CABIN1: variants seen among roughly 807,000 people sequenced by gnomAD.
The protein encoded by CABIN1 is calcineurin-binding protein cabin-1.
CABIN1 carries 133 observed loss-of-function variants against 227.7 expected under a neutral mutation model. The observed-to-expected ratio is 0.58, with a 90% CI of 0.51 to 0.67. The LOEUF (loss-of-function observed/expected upper bound fraction) is 0.67. CABIN1 is among the 30% of genes least tolerant of loss of function. The pLI, the probability that CABIN1 is intolerant of heterozygous loss-of-function variation, is 0.00. For synonymous variants in CABIN1, 1,086 were observed against 1,155.1 expected (o/e 0.94, Z 1.21); for missense variants, 2,408 against 2,852.5 (o/e 0.84, Z 3.55).
intron 29 of CABIN1, among the ~76,000 whole-genome samples, chr22:24,164,125 T>C (rs183885756): frequency 1.4e-4 from 22 of 152,266 alleles, no homozygotes; most frequent in African/African-American, 4.8e-4. Context: ...GTGCATCCCA[T>C]AGGGGACAGG....
At chr22:24,046,574 T>C (rs117068131) in intron 6 of CABIN1, among the ~76,000 whole-genome samples, 9 of 152,330 alleles carry the variant, frequency 5.9e-5, no homozygotes, top group Non-Finnish European at 1.2e-4. Flanking sequence ...GAAGAAGTTA[T>C]GCTTGGTAAA....
Position 24,166,755 on chromosome 22 carries a change from G to C in CABIN1, c.5124G>C (p.Lys1708Asn). The C allele has an allele frequency of 1.2e-6, 2 of 1,612,810 alleles. No homozygotes were observed. Among genetic ancestry groups the C allele is most frequent in the Non-Finnish European group, 1.7e-6 (2 of 1,179,962 alleles). Reference protein sequence around the residue: ...DGQEGLPQPKKPPLADGSGPG... With the variant: ...DGQEGLPQPKNPPLADGSGPG... ...AGGAGGGCCTCCCCCAGCCGAAGAA[G>C]CCCCCTCTGGCTGATGGCTCAGGGC... The change falls in exon 32 of 37, where the codon AAG becomes AAC. Residue 1708 changes from lysine to asparagine, a missense_variant. By Grantham distance (94) the Lys-to-Asn change is moderately conservative. Around this residue, in one of 3 missense-constraint regions of CABIN1, gnomAD observed 714 missense variants for 773.8 expected, o/e 0.92. Coordinates refer to ENST00000263119, the MANE Select transcript of CABIN1 (RefSeq NM_012295.4).
In CABIN1 at chr22:24,043,713, T is replaced by A. The variant is rs114150061; in HGVS notation, c.526+629T>A. On this transcript the variant is annotated intron_variant, in intron 6 of 36. Transcript: ENST00000263119. ...GCTGCAGTGAGTCGAGGTTGTGCAA[T>A]CGCATTCCTGTCTGGGTGACACAGT... Among the ~76,000 whole-genome samples, 1,461 of 152,174 alleles carry A rather than the reference T, an allele frequency of 9.6e-3. 30 individuals are homozygous for A. The highest frequency in any genetic ancestry group is 0.033 in the African/African-American group (1,373 of 41,514).
intron 1 of CABIN1, among the ~76,000 whole-genome samples, chr22:24,034,710 T>A (rs1429603588): frequency 6.6e-6 from 1 of 152,268 alleles, no homozygotes; most frequent in African/African-American, 2.4e-5. Context: ...TGCACCAGTT[T>A]ACATTCCCAG....
chr22:24,113,508 T>C, intron 26 of CABIN1, 58 bp from the exon 27 acceptor site: 2 of 1,513,154 alleles, frequency 1.3e-6, no homozygotes, highest in Non-Finnish European at 1.8e-6. Flanking sequence ...GAAGGCCCCC[T>C]GTGTTGGAGG....
intron 29 of CABIN1, among the ~76,000 whole-genome samples, chr22:24,150,029 T>C (rs1423690226): frequency 1.3e-5 from 2 of 152,202 alleles, no homozygotes; most frequent in Non-Finnish European, 2.9e-5. Flanking sequence ...CAAAAGAGGC[T>C]GCGTTGTGGA....
At chr22:24,095,874 T>G (rs2041861759) in intron 24 of CABIN1, 57 bp from the exon 25 acceptor site, 8 of 1,606,050 alleles carry the variant, frequency 5.0e-6, no homozygotes, top group Non-Finnish European at 6.8e-6. Flanking sequence ...GACTGGCCTG[T>G]GGAACAAATC....
intron 28 of CABIN1, among the ~76,000 whole-genome samples, chr22:24,131,063 C>A (rs768440209): frequency 2.6e-5 from 4 of 152,226 alleles, no homozygotes; most frequent in Non-Finnish European, 4.4e-5. Flanking sequence ...GGGCCTGCAA[C>A]AAGGCAGCTG....
chr22:24,017,526 T>C (rs2035391406), intron 1 of CABIN1, among the ~76,000 whole-genome samples: 1 of 152,222 alleles, frequency 6.6e-6, no homozygotes, highest in Admixed American at 6.5e-5. Context: ...TTCTACTTTC[T>C]GTTTCTATGA....
In CABIN1 at chr22:24,056,296, A is replaced by G; in HGVS notation, c.1198A>G (p.Thr400Ala). Residue 400 changes from threonine to alanine, a missense_variant, in exon 10 of 37, where the codon ACC (threonine) becomes GCC (alanine). Thr to Ala is a moderately conservative substitution (Grantham distance 58, BLOSUM62 0). Transcript: ENST00000263119. The part of the protein sequence containing the change: ...AKRRSARVRN[T>A]KCKKEEKVDF... ...GCGGCGGTCTGCCCGTGTCCGAAAC[A>G]CCAAGTGCAAAAAAGAAGAGAAAGT... 1 of 1,614,048 alleles carries G rather than the reference A, an allele frequency of 6.2e-7. No individual in the cohort carries two copies.
At chr22:24,137,218 C>A (rs1040480334) in intron 29 of CABIN1, among the ~76,000 whole-genome samples, 4 of 152,208 alleles carry the variant, frequency 2.6e-5, no homozygotes, top group Non-Finnish European at 5.9e-5. Flanking sequence ...AAGGAAGGAG[C>A]CAACCTCCAT....
intron 29 of CABIN1, 28 bp from the exon 30 acceptor site, chr22:24,164,372 T>TCA (rs1372789178): frequency 1.2e-6 from 2 of 1,600,100 alleles, no homozygotes; most frequent in Admixed American, 1.7e-5. Flanking sequence ...ACCACCCCCC[T>TCA]CACACACCTG....
chr22:24,046,183 C>T lies in CABIN1; in HGVS notation c.527-2908C>T, dbSNP rs542382742. The stretch of plus-strand genomic sequence containing the variant: ...TTCTGCTTGTCATCCTGTCGGTGAG[C>T]GCACCCATGTGGGGCACAGCAGTCT... On this transcript the variant is annotated intron_variant, in intron 6 of 36. Transcript: ENST00000263119. Among the ~76,000 whole-genome samples, 10 of 152,104 alleles carry T rather than the reference C, an allele frequency of 6.6e-5. No homozygotes were observed. In the East Asian group the frequency reaches 1.5e-3, roughly 23 times the overall value.
intron 3 of CABIN1, among the ~76,000 whole-genome samples, chr22:24,037,606 A>G (rs1247957749): frequency 1.3e-5 from 2 of 152,008 alleles, no homozygotes; most frequent in African/African-American, 4.8e-5. Flanking sequence ...TGCAATGGAA[A>G]CCATTCACAC....
chr22:24,013,707 T>C (rs1266248616), intron 1 of CABIN1, among the ~76,000 whole-genome samples: 1 of 152,170 alleles, frequency 6.6e-6, no homozygotes, highest in Non-Finnish European at 1.5e-5. Flanking sequence ...TAAGGTTGTG[T>C]TTTCATTCCA....
intron 4 of CABIN1, among the ~76,000 whole-genome samples, chr22:24,040,465 G>A (rs144818212): frequency 2.0e-5 from 3 of 152,162 alleles, no homozygotes; most frequent in African/African-American, 7.2e-5. Context: ...TTTAGTCTTT[G>A]TCCTGTGGTT....
In CABIN1 at chr22:24,051,053, G is replaced by A; in HGVS notation, c.806+79G>A. On this transcript the variant is annotated intron_variant, in intron 8 of 36. Transcript: ENST00000263119. ...GGGATGCTGCCCTGCACAGGAGGGA[G>A]AGACCTTGAGGCTTGATCCTGGGTT... 5 of 1,579,678 alleles carry A rather than the reference G, an allele frequency of 3.2e-6. No individual in the cohort carries two copies. In the South Asian group the frequency reaches 5.6e-5, roughly 18 times the overall value.
chr22:24,076,517 G>A (rs1034392681), intron 19 of CABIN1, among the ~76,000 whole-genome samples: 2 of 152,134 alleles, frequency 1.3e-5, no homozygotes, highest in Non-Finnish European at 2.9e-5. Context: ...TGAGGCTCAG[G>A]AAGCTCCGGA....
At chr22:24,043,756 A>G (rs1426197191) in intron 6 of CABIN1, among the ~76,000 whole-genome samples, 3 of 152,182 alleles carry the variant, frequency 2.0e-5, no homozygotes, top group Non-Finnish European at 4.4e-5. Context: ...TGTCTCAAAA[A>G]CAAAACAAAA....
Sources: allele counts gnomAD v4.1 joint callset (sites outside exome capture counted in the v4.1 genomes callset), GRCh38; gene constraint gnomAD v4.1.1; regional missense constraint gnomAD v4.1.1; transcripts MANE v1.5; gene names NCBI Gene and HGNC (gene_info 2026-07-23, HGNC 2026-07-21).